CNBD1: variants seen among roughly 807,000 people sequenced by gnomAD.
CNBD1 encodes cyclic nucleotide binding domain containing 1, also known as cyclic nucleotide-binding domain-containing protein 1.
A neutral mutation model predicts 54.4 loss-of-function variants in CNBD1; 71 were observed. The ratio of observed to expected loss-of-function variants is 1.30; its 90% CI spans 1.08 to 1.59. The LOEUF (loss-of-function observed/expected upper bound fraction) is 1.59. Among genes scored for constraint, CNBD1 ranks in the 40% most tolerant of loss-of-function variants. The probability of loss-of-function intolerance (pLI) is 0.00; values close to 1 mark genes in which losing one functional copy is unlikely to be tolerated. For synonymous variants in CNBD1, 182 were observed against 170.7 expected (o/e 1.07, Z -0.51); for missense variants, 659 against 518.0 (o/e 1.27, Z -2.64).
intron 10 of CNBD1, among the ~76,000 whole-genome samples, chr8:87,381,536 G>T (rs935564741): frequency 1.3e-5 from 2 of 151,944 alleles, no homozygotes; most frequent in Non-Finnish European, 2.9e-5. Context: ...ATTTTCTAAA[G>T]GAATTTAAAT....
chr8:87,276,237 A>T (rs1428974077), intron 6 of CNBD1, among the ~76,000 whole-genome samples: 1 of 151,762 alleles, frequency 6.6e-6, no homozygotes, highest in Admixed American at 6.6e-5. Context: ...TTTTCCTTGG[A>T]TGTTACCAAT....
chr8:87,303,038 T>C (rs1809045947), intron 8 of CNBD1, among the ~76,000 whole-genome samples: 2 of 151,826 alleles, frequency 1.3e-5, no homozygotes, highest in East Asian at 3.9e-4. Flanking sequence ...GAAGAATCAA[T>C]ATCGTGAAAA....
chr8:87,043,408 C>T (rs891484545), intron 4 of CNBD1, among the ~76,000 whole-genome samples: 2 of 152,070 alleles, frequency 1.3e-5, no homozygotes, highest in African/African-American at 4.8e-5. Context: ...TTAATTTCTC[C>T]TTATATTTTG....
intron 4 of CNBD1, among the ~76,000 whole-genome samples, chr8:87,083,823 C>G (rs1188810963): frequency 6.6e-6 from 1 of 151,944 alleles, no homozygotes; most frequent in South Asian, 2.1e-4. Context: ...CTCATGACCT[C>G]GTGATCCGCC....
chr8:87,400,314 T>TA (rs1019062286), intron 2 of CNBD1, among the ~76,000 whole-genome samples: 2 of 152,016 alleles, frequency 1.3e-5, no homozygotes, highest in African/African-American at 2.4e-5. Flanking sequence ...GAAGATTATT[T>TA]AAAAATCTGG....
At chr8:87,278,286 A>G (rs1027298680) in intron 6 of CNBD1, among the ~76,000 whole-genome samples, 1 of 151,654 alleles carries the variant, frequency 6.6e-6, no homozygotes, top group Non-Finnish European at 1.5e-5. Context: ...CTGAAGCAGT[A>G]CTGATTGAAA....
chr8:87,236,908 G>T lies in CNBD1; in HGVS notation c.578-11G>T, dbSNP rs1563518883. ...CACACAGTATATATTTTTTGGCTTT[G>T]TTTTTTTCAGTGGTTGCAAATGATG... On this transcript the variant is annotated splice_polypyrimidine_tract_variant and intron_variant, in intron 5 of 10. Transcript: ENST00000518476. 10 of 1,576,012 alleles carry T rather than the reference G, an allele frequency of 6.3e-6. No individual in the cohort carries two copies. The highest frequency in any genetic ancestry group is 2.7e-5 in the African/African-American group (2 of 73,206).
intron 8 of CNBD1, 76 bp from the exon 9 acceptor site, chr8:87,351,606 TAAC>T: frequency 7.7e-7 from 1 of 1,294,294 alleles, no homozygotes; most frequent in Non-Finnish European, 1.0e-6. Context: ...TTAAATACAT[TAAC>T]TTTTGTTGCT....
intron 4 of CNBD1, among the ~76,000 whole-genome samples, chr8:87,088,131 TTTAGA>T (rs139708167): frequency 0.013 from 1,941 of 152,296 alleles, 45 homozygotes; most frequent in African/African-American, 0.043. Context: ...TGAATGTAAC[TTTAGA>T]TTAAAGTGCT....
intron 4 of CNBD1, among the ~76,000 whole-genome samples, chr8:86,956,843 C>G (rs373687595): frequency 1.3e-5 from 2 of 152,266 alleles, no homozygotes. Context: ...CCTGATTGCC[C>G]TAGCCAGAAC....
intron 10 of CNBD1, among the ~76,000 whole-genome samples, chr8:87,366,738 C>T (rs1319645885): frequency 6.6e-6 from 1 of 152,036 alleles, no homozygotes; most frequent in Admixed American, 6.6e-5. Flanking sequence ...CTCTGCTTTC[C>T]ACTGCCATCC....
chr8:87,422,502 T>A (rs2130993980), intron 2 of CNBD1, among the ~76,000 whole-genome samples: 1 of 151,852 alleles, frequency 6.6e-6, no homozygotes, highest in South Asian at 2.1e-4. Context: ...GGCTAGCCAG[T>A]TTTCCCAGCA....
At chr8:87,142,998 C>T (rs1047006871) in intron 4 of CNBD1, among the ~76,000 whole-genome samples, 1 of 152,082 alleles carries the variant, frequency 6.6e-6, no homozygotes, top group Non-Finnish European at 1.5e-5. Context: ...ATCTTAGGAT[C>T]TGATTCTAAA....
At chr8:87,258,592 T>G (rs1808069021) in intron 6 of CNBD1, among the ~76,000 whole-genome samples, 1 of 151,860 alleles carries the variant, frequency 6.6e-6, no homozygotes, top group Non-Finnish European at 1.5e-5. Flanking sequence ...AGGCCAAAAT[T>G]TTTCATTATC....
At chr8:87,305,214 C>T (rs1298567576) in intron 8 of CNBD1, among the ~76,000 whole-genome samples, 4 of 152,000 alleles carry the variant, frequency 2.6e-5, no homozygotes, top group Non-Finnish European at 2.9e-5. Flanking sequence ...GTTGAAAGAC[C>T]TCTACAAGGA....
At chr8:87,063,666 A>T (rs1470531501) in intron 4 of CNBD1, among the ~76,000 whole-genome samples, 1 of 152,040 alleles carries the variant, frequency 6.6e-6, no homozygotes, top group Non-Finnish European at 1.5e-5. Context: ...TTGGGATTTT[A>T]ATCAGGGTTC....
chr8:87,203,322 GTA>G (rs1813902700), intron 4 of CNBD1, among the ~76,000 whole-genome samples: 1 of 151,922 alleles, frequency 6.6e-6, no homozygotes, highest in South Asian at 2.1e-4. Flanking sequence ...CATTTTTATT[GTA>G]TATGTGTTTA....
chr8:87,422,337 G>C (rs1294056563), intron 2 of CNBD1, among the ~76,000 whole-genome samples: 4 of 147,522 alleles, frequency 2.7e-5, no homozygotes, highest in Non-Finnish European at 4.5e-5. Context: ...TTTTAGACAT[G>C]AAGTCCTTGC....
At chr8:87,093,089 C>T (rs1457085497) in intron 4 of CNBD1, among the ~76,000 whole-genome samples, 1 of 152,152 alleles carries the variant, frequency 6.6e-6, no homozygotes, top group Non-Finnish European at 1.5e-5. Context: ...CTCCCTCTGA[C>T]TTCTAGAATA....
Sources: gnomAD v4.1 joint callset for allele counts (sites outside exome capture counted in the v4.1 genomes callset) on GRCh38, gnomAD v4.1.1 for gene constraint, MANE v1.5 for transcripts, NCBI Gene and HGNC (gene_info 2026-07-23, HGNC 2026-07-21) for gene names.